The following NCKAP5 variants were observed in gnomAD, a reference collection of about 807,000 sequenced individuals.
NCKAP5 encodes nck-associated protein 5.
A neutral mutation model predicts 167.0 loss-of-function variants in NCKAP5; 92 were observed. The observed-to-expected ratio is 0.55, with a 90% CI of 0.47 to 0.66. NCKAP5 has a LOEUF of 0.66. NCKAP5 is among the 30% of genes least tolerant of loss of function. The probability of loss-of-function intolerance (pLI) is 0.00; values close to 1 mark genes in which losing one functional copy is unlikely to be tolerated. For synonymous variants in NCKAP5, 891 were observed against 877.4 expected (o/e 1.02, Z -0.27); for missense variants, 2,378 against 2,315.0 (o/e 1.03, Z -0.56).
rs546311921 is a variant in NCKAP5, at chr2:133,208,619, G to A, written c.207+5097C>T. 4.6e-5 allele frequency among the ~76,000 whole-genome samples: 7 copies of A among 152,272 alleles called. No homozygotes were observed. In the South Asian group the frequency reaches 1.5e-3, roughly 32 times the overall value. On this transcript the variant is annotated intron_variant, in intron 5 of 19. Transcript: ENST00000409261. ...TAAATTTAATGCGTTTCTTGGATTG[G>A]ATCCTGGAGCAGAAAAAGGACACTA...
At chr2:132,725,925 GT>G (rs1690418058) in intron 18 of NCKAP5, among the ~76,000 whole-genome samples, 166 bp from the exon 19 acceptor site, 1 of 152,142 alleles carries the variant, frequency 6.6e-6, no homozygotes, top group African/African-American at 2.4e-5. Context: ...TGGTTTGCCG[GT>G]TTTTCTGCCT....
At chr2:132,934,246 T>G (rs1018451106) in intron 8 of NCKAP5, among the ~76,000 whole-genome samples, 1 of 152,176 alleles carries the variant, frequency 6.6e-6, no homozygotes, top group Non-Finnish European at 1.5e-5. Flanking sequence ...AACTAGAAAC[T>G]ACGTGAAGTC....
chr2:133,066,054 T>C (rs530714437), intron 6 of NCKAP5, among the ~76,000 whole-genome samples: 3 of 152,332 alleles, frequency 2.0e-5, no homozygotes, highest in South Asian at 4.1e-4. Flanking sequence ...TATACTTGTG[T>C]ATACATGCTC....
chr2:132,731,830 C>T lies in NCKAP5; in HGVS notation c.5350G>A (p.Asp1784Asn). ...GATGTGGAATGAACAATGGCGCTAT[C>T]TGCAGGGCGCTGGCCGTCTGTGGAG... ...PSSTDGQRPA[D>N]SAIVHSTSDP... The change falls in exon 17 of 20, where the codon GAT (aspartate) becomes AAT (asparagine). Residue 1784 changes from aspartate to asparagine, a missense_variant. Physicochemically the swap from Asp to Asn is conservative, Grantham distance 23 (BLOSUM62 1). This residue lies in a region of NCKAP5 where 1,325 missense variants were observed against 1,274.5 expected (regional missense o/e 1.04). Coordinates refer to ENST00000409261, the MANE Select transcript of NCKAP5 (RefSeq NM_207363.3). 4 of 1,613,926 alleles carry T rather than the reference C, an allele frequency of 2.5e-6. No homozygotes were observed. Among genetic ancestry groups the T allele is most frequent in the Middle Eastern group, 1.6e-4 (1 of 6,062 alleles).
At chr2:133,522,855 T>C (rs1363757429) in intron 2 of NCKAP5, among the ~76,000 whole-genome samples, 2 of 152,254 alleles carry the variant, frequency 1.3e-5, no homozygotes, top group African/African-American at 4.8e-5. Context: ...ATGTCTTTTC[T>C]ATGTCTTCCA....
At chr2:133,656,888 T>G in the NCKAP5 span, among the ~76,000 whole-genome samples, 1 of 152,122 alleles carries the variant, frequency 6.6e-6, no homozygotes, top group Non-Finnish European at 1.5e-5. Context: ...CAGTATACAT[T>G]GCACCATATT....
chr2:133,620,351 C>T, the NCKAP5 span, among the ~76,000 whole-genome samples: 1 of 151,972 alleles, frequency 6.6e-6, no homozygotes, highest in Non-Finnish European at 1.5e-5. Flanking sequence ...AATACGTCAA[C>T]CAAGTTTCTG....
At chr2:132,775,534 A>G (rs566569311) in intron 15 of NCKAP5, among the ~76,000 whole-genome samples, 2 of 152,360 alleles carry the variant, frequency 1.3e-5, no homozygotes, top group Non-Finnish European at 2.9e-5. Flanking sequence ...CTCCACAGAA[A>G]GAAAGTCAGA....
intron 8 of NCKAP5, among the ~76,000 whole-genome samples, chr2:132,912,223 C>T (rs1258334743): frequency 6.6e-6 from 1 of 152,162 alleles, no homozygotes; most frequent in African/African-American, 2.4e-5. Flanking sequence ...CAAGCTCTCG[C>T]TCTCTGTGGC....
chr2:132,736,774 A>G (rs1484180728), intron 16 of NCKAP5, among the ~76,000 whole-genome samples: 5 of 152,106 alleles, frequency 3.3e-5, no homozygotes. Context: ...TGACAGTGAG[A>G]CTCCGTCTCA....
the NCKAP5 span, among the ~76,000 whole-genome samples, chr2:133,607,703 G>A: frequency 6.6e-6 from 1 of 152,180 alleles, no homozygotes; most frequent in African/African-American, 2.4e-5. Flanking sequence ...TTTTTAAAAA[G>A]CTCAACCCTT....
rs113600854 is a variant in NCKAP5, at chr2:132,746,221, A to G, written c.5129-14170T>C. 2.6e-3 allele frequency among the ~76,000 whole-genome samples: 394 copies of G among 152,226 alleles called. 1 individual carries two copies. The highest frequency in any genetic ancestry group is 9.2e-3 in the African/African-American group (381 of 41,554). ...AAGGATTTGCACATAGGTCAGTGGA[A>G]CAGAACAGACATTCCGGAAATAGAC... On this transcript the variant is annotated intron_variant, in intron 16 of 19. Transcript: ENST00000409261.
intron 6 of NCKAP5, among the ~76,000 whole-genome samples, chr2:133,109,522 C>T (rs2149710429): frequency 6.6e-6 from 1 of 152,042 alleles, no homozygotes; most frequent in East Asian, 1.9e-4. Context: ...AAGTAGAATA[C>T]TAGGAAGTAT....
intron 8 of NCKAP5, among the ~76,000 whole-genome samples, chr2:132,937,693 C>A (rs1461174797): frequency 1.3e-5 from 2 of 152,330 alleles, no homozygotes; most frequent in Non-Finnish European, 1.5e-5. Flanking sequence ...CAGCAACATG[C>A]CAGACCATTA....
chr2:132,783,202 C>G lies in NCKAP5; in HGVS notation c.3609G>C (p.Ala1203=), dbSNP rs377093430. The G allele has an allele frequency of 2.9e-5, 47 of 1,613,974 alleles. No homozygotes were observed. Among genetic ancestry groups the G allele is most frequent in the Non-Finnish European group, 4.0e-5 (47 of 1,179,892 alleles). ...CCGGTAGGGTCACATTTCTTTCACC[C>G]GCTGTGATCTCCATGCTTGCTGGAT... is the stretch of plus-strand genomic sequence containing the variant. ...SKNPASMEIT[A]GERNVTLPDS... is the part of the protein sequence containing the mutation. Residue 1203 remains alanine (A), a synonymous_variant, in exon 14 of 20, where the codon GCG becomes GCC. Transcript: ENST00000409261.
intron 6 of NCKAP5, among the ~76,000 whole-genome samples, chr2:133,019,582 T>G (rs78151100): frequency 1.3e-5 from 2 of 152,208 alleles, no homozygotes; most frequent in East Asian, 3.9e-4. Flanking sequence ...CTTGAACTTG[T>G]ATCCCAAGAA....
At chr2:133,168,489 A>C (rs1220934780) in intron 5 of NCKAP5, among the ~76,000 whole-genome samples, 1 of 152,078 alleles carries the variant, frequency 6.6e-6, no homozygotes, top group Non-Finnish European at 1.5e-5. Context: ...TAAATGGAAG[A>C]GATCTATTAC....
intron 5 of NCKAP5, among the ~76,000 whole-genome samples, chr2:133,134,221 C>T (rs6760685): frequency 0.056 from 8,524 of 152,292 alleles, 300 homozygotes; most frequent in African/African-American, 0.092. Flanking sequence ...GACAGCGTTC[C>T]TTCCACCACT....
At chr2:133,360,937 A>G (rs1685060342) in intron 3 of NCKAP5, among the ~76,000 whole-genome samples, 1 of 150,244 alleles carries the variant, frequency 6.7e-6, no homozygotes, top group Non-Finnish European at 1.5e-5. Context: ...AAGTCTTCCC[A>G]TTAAAAAAAA....
Sources: allele counts gnomAD v4.1 joint callset (sites outside exome capture counted in the v4.1 genomes callset), GRCh38; gene constraint gnomAD v4.1.1; regional missense constraint gnomAD v4.1.1; transcripts MANE v1.5; gene names NCBI Gene and HGNC (gene_info 2026-07-23, HGNC 2026-07-21).